PRICKLE2: variants seen among roughly 807,000 people sequenced by gnomAD.
The protein encoded by PRICKLE2 is prickle planar cell polarity protein 2.
Under a neutral mutation model 81.4 loss-of-function variants are expected in PRICKLE2, and 21 were observed. That is an observed-to-expected ratio of 0.26 (90% confidence interval 0.18 to 0.37). The LOEUF (loss-of-function observed/expected upper bound fraction) is 0.37. PRICKLE2 is among the 10% of genes least tolerant of loss of function. The pLI is 1.00. For missense variants in PRICKLE2, 940 were observed against 1,109.0 expected, an observed-to-expected ratio of 0.85 and a Z score of 2.16; for synonymous variants, 456 against 421.5, an observed-to-expected ratio of 1.08 and a Z score of -1.00.
At chr3:64,143,986 G>T (rs1418582498) in intron 7 of PRICKLE2, among the ~76,000 whole-genome samples, 2 of 149,680 alleles carry the variant, frequency 1.3e-5, no homozygotes, top group Non-Finnish European at 3.0e-5. Context: ...ACATGGGGAT[G>T]AGGATATCTA....
At chr3:64,243,774 C>T (rs1458135569) in intron 2 of PRICKLE2, among the ~76,000 whole-genome samples, 1 of 152,188 alleles carries the variant, frequency 6.6e-6, no homozygotes, top group Non-Finnish European at 1.5e-5. Flanking sequence ...TTAATCACTT[C>T]ATCTCAGAGA....
chr3:64,199,263 T>C (rs1268616834), intron 1 of PRICKLE2: 3 of 540,464 alleles, frequency 5.6e-6, no homozygotes, highest in Admixed American at 3.3e-5. Context: ...AATGGTAATA[T>C]AGTTTTTATT....
chr3:64,163,108 G>C lies in PRICKLE2; in HGVS notation c.166C>G (p.Leu56Val). ...ACATAAGGGACTTTCTCTTCTGGGA[G>C]ACAGCTATAGTACTGGTGTACCTGA... is the stretch of plus-strand genomic sequence containing the variant. ...PEQVHQYYSC[L>V]PEEKVPYVNS... The change falls in exon 3 of 8, where the codon CTC (leucine) becomes GTC (valine). Residue 56 changes from leucine to valine, a missense_variant. Physicochemically the swap from Leu to Val is conservative, Grantham distance 32 (BLOSUM62 1). Coordinates refer to ENST00000638394, the MANE Select transcript of PRICKLE2 (RefSeq NM_198859.4). 6.2e-7 allele frequency: 1 copy of C among 1,610,678 alleles called. No individual in the cohort carries two copies.
chr3:64,161,680 G>A (rs928681025), intron 3 of PRICKLE2, among the ~76,000 whole-genome samples: 7 of 136,630 alleles, frequency 5.1e-5, no homozygotes, highest in Non-Finnish European at 9.3e-5. Flanking sequence ...AATCAGAGAA[G>A]AGCCAATCCC....
chr3:64,194,587 T>C (rs1228371802), intron 2 of PRICKLE2, among the ~76,000 whole-genome samples: 1 of 152,224 alleles, frequency 6.6e-6, no homozygotes, highest in East Asian at 1.9e-4. Flanking sequence ...GTCCAAAATG[T>C]CAACAGTGCT....
intron 2 of PRICKLE2, among the ~76,000 whole-genome samples, chr3:64,232,641 A>C (rs73832130): frequency 0.066 from 10,037 of 152,096 alleles, 533 homozygotes; most frequent in African/African-American, 0.15. Flanking sequence ...GTATATCTAC[A>C]TTTGCTTCTC....
At chr3:64,228,026 G>T (rs2079053196), upstream of PRICKLE2, among the ~76,000 whole-genome samples, 2 of 152,088 alleles carry the variant, frequency 1.3e-5, no homozygotes, top group Admixed American at 6.5e-5. Flanking sequence ...TATGAATCTA[G>T]GAAATAAAGG....
Position 64,159,849 on chromosome 3 carries a change from A to T in PRICKLE2, c.396+91T>A, listed in dbSNP as rs542671031. The T allele has an allele frequency of 2.0e-6, 3 of 1,522,662 alleles. No homozygotes were observed. In the African/African-American group the frequency reaches 4.1e-5, roughly 21 times the overall value. 94.3% of individuals were successfully genotyped at this position (1,522,662 alleles called of 1,614,324 possible). On this transcript the variant is annotated intron_variant, in intron 4 of 7. Coordinates refer to ENST00000638394, the MANE Select transcript of PRICKLE2 (RefSeq NM_198859.4). ...GTTCACTACTGTATCTCAGGCACAT[A>T]GTAGGCACTCAGTAAAACAATTGTT...
chr3:64,226,139 T>A (rs1363919530), upstream of PRICKLE2, among the ~76,000 whole-genome samples: 2 of 152,126 alleles, frequency 1.3e-5, no homozygotes, highest in African/African-American at 2.4e-5. Context: ...TCAGAGAGCA[T>A]TGCTTCCATC....
chr3:64,184,977 T>C (rs2078197757), intron 2 of PRICKLE2, among the ~76,000 whole-genome samples: 1 of 152,230 alleles, frequency 6.6e-6, no homozygotes, highest in Non-Finnish European at 1.5e-5. Flanking sequence ...TGGTTGGCAC[T>C]GCAGCTTTTT....
intron 7 of PRICKLE2, among the ~76,000 whole-genome samples, chr3:64,115,828 C>T (rs111600329): frequency 2.1e-4 from 32 of 152,002 alleles, no homozygotes; most frequent in African/African-American, 5.3e-4. Context: ...ACCTGAACTC[C>T]GCTCTGGATC....
intron 1 of PRICKLE2, among the ~76,000 whole-genome samples, chr3:64,211,015 A>C (rs766815103): frequency 1.1e-4 from 17 of 152,206 alleles, no homozygotes; most frequent in Non-Finnish European, 2.4e-4. Flanking sequence ...AACTCATTTC[A>C]GCTGAGGACC....
intron 2 of PRICKLE2, among the ~76,000 whole-genome samples, chr3:64,235,919 T>G (rs2079173626): frequency 6.6e-6 from 1 of 152,026 alleles, no homozygotes; most frequent in Non-Finnish European, 1.5e-5. Flanking sequence ...ATCACACTGA[T>G]CTGCGTTGTG....
chr3:64,251,722 CA>C (rs1310591906), intron 2 of PRICKLE2, among the ~76,000 whole-genome samples: 1 of 152,204 alleles, frequency 6.6e-6, no homozygotes, highest in African/African-American at 2.4e-5. Flanking sequence ...TTGCAAGTCT[CA>C]AGTGTTCCAT....
chr3:64,126,962 G>A (rs774626157), intron 7 of PRICKLE2, among the ~76,000 whole-genome samples: 25 of 152,134 alleles, frequency 1.6e-4, no homozygotes, highest in Non-Finnish European at 2.6e-4. Context: ...GTTCGTGAAT[G>A]CCCACTCATT....
intron 2 of PRICKLE2, among the ~76,000 whole-genome samples, chr3:64,196,181 GAGT>G (rs2078449920): frequency 2.0e-5 from 3 of 152,172 alleles, no homozygotes; most frequent in African/African-American, 7.2e-5. Context: ...GGGTCAATAT[GAGT>G]AGAACGTTTT....
At chr3:64,112,570 T>A (rs2076866895) in intron 7 of PRICKLE2, among the ~76,000 whole-genome samples, 1 of 152,168 alleles carries the variant, frequency 6.6e-6, no homozygotes, top group Admixed American at 6.5e-5. Context: ...AATGGAAGGA[T>A]AACTGAATTA....
At chr3:64,215,459 T>C (rs1236510508) in intron 1 of PRICKLE2, among the ~76,000 whole-genome samples, 1 of 152,252 alleles carries the variant, frequency 6.6e-6, no homozygotes, top group African/African-American at 2.4e-5. Context: ...CATTGTAATG[T>C]AAATTTTAAA....
chr3:64,164,803 C>T (rs1016985982), intron 2 of PRICKLE2, among the ~76,000 whole-genome samples: 1 of 152,182 alleles, frequency 6.6e-6, no homozygotes, highest in African/African-American at 2.4e-5. Context: ...TTGACCAGTA[C>T]TCTGAGAAGA....
Sources: gnomAD v4.1 joint callset for allele counts (sites outside exome capture counted in the v4.1 genomes callset) on GRCh38, gnomAD v4.1.1 for gene constraint, MANE v1.5 for transcripts, NCBI Gene and HGNC (gene_info 2026-07-23, HGNC 2026-07-21) for gene names.